The following SUSD6 variants were observed in gnomAD, a reference collection of about 807,000 sequenced individuals.
SUSD6 encodes the protein sushi domain-containing protein 6.
SUSD6 carries 16 observed loss-of-function variants against 28.4 expected under a neutral mutation model. The ratio of observed to expected loss-of-function variants is 0.56; its 90% confidence interval spans 0.38 to 0.86. SUSD6 has a LOEUF of 0.86. Among genes scored for constraint, SUSD6 ranks in the 40% least tolerant of loss-of-function variants. SUSD6 has a pLI of 0.00. For missense variants in SUSD6, 341 were observed against 384.2 expected, an observed-to-expected ratio of 0.89 and a Z score of 0.94; for synonymous variants, 147 against 159.6, an observed-to-expected ratio of 0.92 and a Z score of 0.59.
At position 69,703,464 on chromosome 14, in the gene SUSD6, T is replaced by G; in HGVS notation, c.191T>G (p.Leu64Arg). Residue 64 changes from leucine (L) to arginine (R), a missense_variant, in exon 3 of 6, where the codon CTG (leucine) becomes CGG (arginine). Coordinates refer to ENST00000342745, the MANE Select transcript of SUSD6 (RefSeq NM_014734.4). ...ICHPRPCRDP[L>R]TAGSVIEYLC... ...CACCCCCGGCCCTGCAGAGACCCCCTGACAGCAGGCAGTGTCATCGAATAC... is the reference window on the plus strand; with the variant it reads ...CACCCCCGGCCCTGCAGAGACCCCCGGACAGCAGGCAGTGTCATCGAATAC... The G allele has an allele frequency of 1.2e-6, 2 of 1,614,132 alleles. No individual in the cohort carries two copies. The highest frequency in any genetic ancestry group is 1.7e-6 in the Non-Finnish European group (2 of 1,179,996).
intron 2 of SUSD6, among the ~76,000 whole-genome samples, chr14:69,698,679 T>C (rs554693506): frequency 6.6e-5 from 10 of 151,852 alleles, no homozygotes; most frequent in Non-Finnish European, 1.3e-4. Context: ...GCTGAGGGTG[T>C]CAGGCTGAGG....
intron 2 of SUSD6, among the ~76,000 whole-genome samples, chr14:69,679,711 G>A (rs1885970549): frequency 6.6e-6 from 1 of 152,100 alleles, no homozygotes; most frequent in African/African-American, 2.4e-5. Flanking sequence ...AGGAACCTGA[G>A]AGCAAAGAGT....
intron 2 of SUSD6, among the ~76,000 whole-genome samples, chr14:69,702,630 CAGA>C (rs2139644987): frequency 6.6e-6 from 1 of 152,336 alleles, no homozygotes; most frequent in South Asian, 2.1e-4. Flanking sequence ...GGTTTAGAAT[CAGA>C]AGATTTGACT....
intron 1 of SUSD6, among the ~76,000 whole-genome samples, chr14:69,629,800 C>T (rs1405558759): frequency 6.6e-6 from 1 of 152,174 alleles, no homozygotes; most frequent in African/African-American, 2.4e-5. Flanking sequence ...TGAGCACCTG[C>T]TAGTATGTGC....
chr14:69,696,838 G>C (rs1472777808), intron 2 of SUSD6, among the ~76,000 whole-genome samples: 1 of 152,176 alleles, frequency 6.6e-6, no homozygotes, highest in East Asian at 1.9e-4. Context: ...CCCAGGAGAG[G>C]GTCCTTGGAT....
chr14:69,635,318 T>G (rs1885248090), intron 1 of SUSD6, among the ~76,000 whole-genome samples: 2 of 152,214 alleles, frequency 1.3e-5, no homozygotes, highest in African/African-American at 2.4e-5. Context: ...GTGTATTGCT[T>G]CTTTTGAGAA....
At chr14:69,667,629 C>A (rs563139940) in intron 2 of SUSD6, among the ~76,000 whole-genome samples, 2 of 151,744 alleles carry the variant, frequency 1.3e-5, no homozygotes, top group Non-Finnish European at 2.9e-5. Flanking sequence ...GTGATCCGCC[C>A]GCCTCAGCCT....
chr14:69,612,238 C>T (rs1424713416), intron 1 of SUSD6, among the ~76,000 whole-genome samples: 2 of 152,162 alleles, frequency 1.3e-5, no homozygotes, highest in Non-Finnish European at 2.9e-5. Context: ...CATTACTGCC[C>T]TCAGCCCAGC....
At chr14:69,652,879 G>A (rs951168847) in intron 1 of SUSD6, among the ~76,000 whole-genome samples, 5 of 152,310 alleles carry the variant, frequency 3.3e-5, no homozygotes, top group Middle Eastern at 3.4e-3. Flanking sequence ...GAAGCCCACC[G>A]TGCGTGTCAT....
chr14:69,651,006 T>C (rs1290089086), intron 1 of SUSD6, among the ~76,000 whole-genome samples: 4 of 152,134 alleles, frequency 2.6e-5, no homozygotes, highest in Non-Finnish European at 5.9e-5. Flanking sequence ...TCAGAGCCTG[T>C]GTTGACTTAC....
chr14:69,622,218 G>A (rs1885050811), intron 1 of SUSD6, among the ~76,000 whole-genome samples: 2 of 152,210 alleles, frequency 1.3e-5, no homozygotes, highest in African/African-American at 4.8e-5. Context: ...AGGCTAGAGT[G>A]TAGTGGTACC....
intron 2 of SUSD6, among the ~76,000 whole-genome samples, chr14:69,686,011 C>T (rs182646707): frequency 1.1e-3 from 175 of 152,278 alleles, no homozygotes; most frequent in African/African-American, 3.8e-3. Context: ...CGGTAACTTG[C>T]ATTATCAGAC....
At position 69,704,637 on chromosome 14, in the gene SUSD6, C is replaced by T. The variant is rs770890048; in HGVS notation, c.353C>T (p.Thr118Met). 49 of 1,614,118 alleles carry T rather than the reference C, an allele frequency of 3.0e-5. No homozygotes were observed. The East Asian group carries it at 4.7e-4, about 15-fold the overall frequency. ...ACCCACACATCACTTGGGGTCCCCACGCTGTCTATAGTGGCTTCTACTGCC... is the reference window on the plus strand; with the variant it reads ...ACCCACACATCACTTGGGGTCCCCATGCTGTCTATAGTGGCTTCTACTGCC... ...KDTHTSLGVPTLSIVASTASS... is the reference protein window; with the variant it reads ...KDTHTSLGVPMLSIVASTASS... The change falls in exon 4 of 6, where the codon ACG (threonine) becomes ATG (methionine). Residue 118 changes from threonine to methionine, a missense_variant. Physicochemically the swap from Thr to Met is moderately conservative, Grantham distance 81 (BLOSUM62 -1). Coordinates refer to ENST00000342745, the MANE Select transcript of SUSD6 (RefSeq NM_014734.4).
intron 2 of SUSD6, among the ~76,000 whole-genome samples, chr14:69,682,208 A>G (rs767955190): frequency 1.3e-5 from 2 of 152,110 alleles, no homozygotes; most frequent in Non-Finnish European, 2.9e-5. Context: ...ATAGTAATGC[A>G]TGCCTGGAAT....
chr14:69,621,139 C>A (rs138097210), intron 1 of SUSD6, among the ~76,000 whole-genome samples: 2,721 of 152,258 alleles, frequency 0.018, 39 homozygotes, highest in Middle Eastern at 0.061. Context: ...AGGTTGGTGA[C>A]TGTCTGATCC....
At chr14:69,613,838 G>A (rs891806131) in intron 1 of SUSD6, among the ~76,000 whole-genome samples, 1 of 152,158 alleles carries the variant, frequency 6.6e-6, no homozygotes, top group Non-Finnish European at 1.5e-5. Context: ...AGAGACAGGT[G>A]CCAGGGTGCT....
intron 4 of SUSD6, 130 bp downstream of exon 4, chr14:69,704,872 C>A: frequency 1.1e-6 from 1 of 927,100 alleles, no homozygotes; most frequent in Non-Finnish European, 1.6e-6. Flanking sequence ...GTGGGGAGGG[C>A]CCTGCCATGT....
chr14:69,619,096 T>C (rs1026392894), intron 1 of SUSD6, among the ~76,000 whole-genome samples: 1 of 152,214 alleles, frequency 6.6e-6, no homozygotes, highest in Non-Finnish European at 1.5e-5. Flanking sequence ...CTAGTGCTTT[T>C]CCCTCCCGGT....
At chr14:69,665,436 A>G (rs1282398165) in intron 2 of SUSD6, among the ~76,000 whole-genome samples, 1 of 152,180 alleles carries the variant, frequency 6.6e-6, no homozygotes, top group Non-Finnish European at 1.5e-5. Flanking sequence ...ATATTTTTGT[A>G]GAGATGGGTT....
Sources: allele counts gnomAD v4.1 joint callset (sites outside exome capture counted in the v4.1 genomes callset), GRCh38; gene constraint gnomAD v4.1.1; transcripts MANE v1.5; gene names NCBI Gene and HGNC (gene_info 2026-07-23, HGNC 2026-07-21).